The following TEX2 variants were observed in gnomAD, a reference collection of about 807,000 sequenced individuals.
TEX2 encodes testis-expressed protein 2.
In TEX2, 53 loss-of-function variants were observed where a neutral mutation model predicts 106.9. The ratio of observed to expected loss-of-function variants is 0.50; its 90% CI spans 0.40 to 0.62. The LOEUF (loss-of-function observed/expected upper bound fraction) is 0.62. TEX2 is among the 20% of genes least tolerant of loss of function. The probability of loss-of-function intolerance (pLI) is 0.00; values close to 1 mark genes in which losing one functional copy is unlikely to be tolerated. For synonymous variants in TEX2, 523 were observed against 534.8 expected (o/e 0.98, Z 0.30); for missense variants, 1,207 against 1,379.0 (o/e 0.88, Z 1.98).
At chr17:64,222,122 C>A (rs114622975) in intron 1 of TEX2, among the ~76,000 whole-genome samples, 1 of 151,866 alleles carries the variant, frequency 6.6e-6, no homozygotes, top group Non-Finnish European at 1.5e-5. Context: ...TTAATACTAC[C>A]GAACTTAAAA....
rs570321103 is a variant in TEX2, at chr17:64,157,534, G to A, written c.2805-2567C>T. Among the ~76,000 whole-genome samples, 4 of 152,282 alleles carry A rather than the reference G, an allele frequency of 2.6e-5. 1 individual carries two copies. The South Asian group carries it at 6.2e-4, about 24-fold the overall frequency. ...CTCAGGATAGCTAAAAGAATGTCAC[G>A]GACTGTGGAGGCAATTCTAAAAAGA... On this transcript the variant is annotated intron_variant, in intron 8 of 11. Transcript: ENST00000584379.
rs1026177560 is a variant in TEX2 at position 64,188,095 on chromosome 17, C to T, written c.2424+73G>A. Reference sequence around the variant, plus strand: ...TATCCCAGTGCCCACAACAGGGCTTCGGAGCACTTACGCATGAAGAAATGT... The same window carrying T: ...TATCCCAGTGCCCACAACAGGGCTTTGGAGCACTTACGCATGAAGAAATGT... On this transcript the variant is annotated intron_variant, in intron 5 of 11. Transcript: ENST00000584379. 4.4e-5 allele frequency: 67 copies of T among 1,533,090 alleles called. No individual in the cohort carries two copies. In the Admixed American group the frequency reaches 4.9e-4, roughly 11 times the overall value. 95.0% of individuals were successfully genotyped at this position (1,533,090 alleles called of 1,614,324 possible). A position where few individuals can be genotyped will look rare whatever the true frequency, so the allele number is the denominator to read the frequency against.
At chr17:64,187,392 T>C in intron 5 of TEX2, among the ~76,000 whole-genome samples, 1 of 152,096 alleles carries the variant, frequency 6.6e-6, no homozygotes, top group East Asian at 1.9e-4. Context: ...TCTTGGCCTC[T>C]GCGTTCTCTC....
chr17:64,255,232 A>C (rs1555637526), intron 1 of TEX2, among the ~76,000 whole-genome samples: 2 of 152,124 alleles, frequency 1.3e-5, no homozygotes, highest in African/African-American at 4.8e-5. Context: ...ACATAGACTA[A>C]CTGGTCATCT....
At chr17:64,167,112 G>T (rs2031173760) in intron 7 of TEX2, among the ~76,000 whole-genome samples, 1 of 152,206 alleles carries the variant, frequency 6.6e-6, no homozygotes, top group Non-Finnish European at 1.5e-5. Flanking sequence ...AAGTGAGGCT[G>T]CTCTGGAAAA....
Position 64,148,710 on chromosome 17 carries a change from TAA to T in TEX2, c.*257_*258del. The T allele has an allele frequency of 2.3e-6, 1 of 429,358 alleles. No homozygotes were observed. Among genetic ancestry groups the T allele is most frequent in the Non-Finnish European group, 4.2e-6 (1 of 240,642 alleles). 26.6% of individuals were successfully genotyped at this position (429,358 alleles called of 1,614,324 possible). ...TAAAAGCCATGGTGTGGGTCACGTATAACTTCTGGATCCACCATGATTCTTCC... is the reference window on the plus strand; with the variant it reads ...TAAAAGCCATGGTGTGGGTCACGTATCTTCTGGATCCACCATGATTCTTCC... On this transcript the variant is annotated 3_prime_UTR_variant, in exon 12 of 12. Transcript: ENST00000584379.
At chr17:64,168,963 T>A (rs1324711542) in intron 7 of TEX2, among the ~76,000 whole-genome samples, 1 of 146,096 alleles carries the variant, frequency 6.8e-6, no homozygotes, top group African/African-American at 2.6e-5. Flanking sequence ...GACTCCCGAG[T>A]AGCTGGGATT....
At chr17:64,222,032 T>A (rs188109612) in intron 1 of TEX2, among the ~76,000 whole-genome samples, 3 of 152,180 alleles carry the variant, frequency 2.0e-5, no homozygotes, top group Admixed American at 2.0e-4. Flanking sequence ...AATGGGGAGA[T>A]GTTGTTTAAT....
chr17:64,260,730 T>C (rs1555638433), intron 1 of TEX2, among the ~76,000 whole-genome samples: 2 of 152,082 alleles, frequency 1.3e-5, no homozygotes, highest in Admixed American at 6.5e-5. Flanking sequence ...TGGGACAGAA[T>C]CAAAGAATAA....
chr17:64,235,793 A>G (rs2033753924), intron 1 of TEX2, among the ~76,000 whole-genome samples: 1 of 152,212 alleles, frequency 6.6e-6, no homozygotes, highest in Non-Finnish European at 1.5e-5. Flanking sequence ...ACAAGTACTA[A>G]AATCATAAAA....
chr17:64,262,833 A>T (rs1361512068), intron 1 of TEX2, among the ~76,000 whole-genome samples: 3 of 152,072 alleles, frequency 2.0e-5, no homozygotes, highest in Non-Finnish European at 4.4e-5. Context: ...TAAAATTGCA[A>T]GCCGTTTTCC....
intron 2 of TEX2, among the ~76,000 whole-genome samples, chr17:64,202,110 C>T (rs2032684530): frequency 6.6e-6 from 1 of 152,162 alleles, no homozygotes; most frequent in African/African-American, 2.4e-5. Flanking sequence ...CACAAAATAG[C>T]ACAGAACAAG....
chr17:64,150,968 G>A lies in TEX2; in HGVS notation c.3141-7C>T. On this transcript the variant is annotated splice_region_variant and splice_polypyrimidine_tract_variant and intron_variant, in intron 10 of 11. Coordinates refer to ENST00000584379, the MANE Select transcript of TEX2 (RefSeq NM_001288732.2). Reference sequence around the variant, plus strand: ...TGGCTTTCGGAAACCATACCTTTTTGAAGACAAGTAATAACCACATTTAGA... The same window carrying A: ...TGGCTTTCGGAAACCATACCTTTTTAAAGACAAGTAATAACCACATTTAGA... The A allele has an allele frequency of 6.2e-7, 1 of 1,612,824 alleles. No individual in the cohort carries two copies. The highest frequency in any genetic ancestry group is 1.3e-5 in the African/African-American group (1 of 75,010).
intron 1 of TEX2, among the ~76,000 whole-genome samples, chr17:64,220,534 T>C (rs2033327883): frequency 6.6e-6 from 1 of 151,826 alleles, no homozygotes; most frequent in Non-Finnish European, 1.5e-5. Flanking sequence ...CATTAAAAAG[T>C]GGGCAAAGGA....
chr17:64,207,966 C>T (rs1011345766), intron 2 of TEX2, among the ~76,000 whole-genome samples: 1 of 152,212 alleles, frequency 6.6e-6, no homozygotes, highest in Non-Finnish European at 1.5e-5. Context: ...GATCTCCTGA[C>T]CTCGTGATCC....
intron 4 of TEX2, among the ~76,000 whole-genome samples, chr17:64,191,910 T>C (rs1339037100): frequency 6.6e-6 from 1 of 151,404 alleles, no homozygotes; most frequent in Non-Finnish European, 1.5e-5. Flanking sequence ...CCAATATATC[T>C]AAAATATTAT....
intron 1 of TEX2, among the ~76,000 whole-genome samples, chr17:64,239,875 C>CAAAAAAAAAA (rs61705973): frequency 1.3e-4 from 4 of 29,650 alleles, no homozygotes; most frequent in African/African-American, 4.2e-4. Flanking sequence ...GACTCTGTCT[C>CAAAAAAAAAA]AAAAAAAAAA....
At position 64,193,844 on chromosome 17, in the gene TEX2, T is replaced by C; in HGVS notation, c.1891A>G (p.Lys631Glu). The C allele has an allele frequency of 6.3e-7, 1 of 1,575,296 alleles. No homozygotes were observed. Among genetic ancestry groups the C allele is most frequent in the Non-Finnish European group, 8.6e-7 (1 of 1,156,546 alleles). The change falls in exon 4 of 12, where the codon AAA (lysine) becomes GAA (glutamate). Residue 631 changes from lysine to glutamate, a missense_variant. Lys to Glu is a moderately conservative substitution (Grantham distance 56). Transcript: ENST00000584379. The stretch of plus-strand genomic sequence containing the variant: ...AGCTCGATACAAATGGGGTACTTTT[T>C]ATTCCAGATTCGCTTTCGAGCCAAA... ...KTLARKRIWN[K>E]KYPICIELGQ...
Position 64,213,383 on chromosome 17 carries a change from T to G in TEX2, c.835A>C (p.Lys279Gln). 6.2e-7 allele frequency: 1 copy of G among 1,613,986 alleles called. No homozygotes were observed. Among genetic ancestry groups the G allele is most frequent in the African/African-American group, 1.3e-5 (1 of 75,026 alleles). Reference protein sequence around the residue: ...TSPSDTRSFFKVPEMEAKIED... With the variant: ...TSPSDTRSFFQVPEMEAKIED... ...ATTTTAGCCTCCATTTCGGGCACTT[T>G]AAAAAAGGAACGAGTATCAGAGGGA... is the stretch of plus-strand genomic sequence containing the variant. Residue 279 changes from lysine to glutamine, a missense_variant, in exon 2 of 12, where the codon AAA (lysine) becomes CAA (glutamine). Transcript: ENST00000584379. This position sits in a 1 kb window ranked among gnomAD's most constrained non-coding sequence, Gnocchi z 4.4.
Sources: gnomAD v4.1 joint callset for allele counts (sites outside exome capture counted in the v4.1 genomes callset) on GRCh38, gnomAD v4.1.1 for gene constraint, Gnocchi (gnomAD v3.1) non-coding constraint, MANE v1.5 for transcripts, NCBI Gene and HGNC (gene_info 2026-07-23, HGNC 2026-07-21) for gene names.